Variants in UBR4 observed in about 807,000 individuals in gnomAD.
UBR4 encodes the protein ubiquitin protein ligase E3 component n-recognin 4, also known as E3 ubiquitin-protein ligase UBR4.
In UBR4, 124 loss-of-function variants were observed where a neutral mutation model predicts 575.6. The observed-to-expected ratio is 0.22, with a 90% CI of 0.19 to 0.25. The LOEUF (loss-of-function observed/expected upper bound fraction) is 0.25. Among genes scored for constraint, UBR4 ranks in the 10% least tolerant of loss-of-function variants. The pLI is 1.00. For synonymous variants in UBR4, 2,455 were observed against 2,473.7 expected, an observed-to-expected ratio of 0.99 and a Z score of 0.22; for missense variants, 4,818 against 6,478.8, an observed-to-expected ratio of 0.74 and a Z score of 8.80.
chr1:19,184,064 C>T lies in UBR4; in HGVS notation c.2050G>A (p.Ala684Thr). The T allele has an allele frequency of 6.2e-7, 1 of 1,614,120 alleles. No homozygotes were observed. ...TCCTTGATGATACTGGCTAGGGTGGCCATATGGTGTTCTGAAAGAGATACA... is the reference window on the plus strand; with the variant it reads ...TCCTTGATGATACTGGCTAGGGTGGTCATATGGTGTTCTGAAAGAGATACA... ...LSVSLSEHHMATLASIIKEVD... is the reference protein window; with the variant it reads ...LSVSLSEHHMTTLASIIKEVD... The change falls in exon 16 of 106, where the codon GCC (alanine) becomes ACC (threonine). Residue 684 changes from alanine to threonine, a missense_variant. This residue lies in a region of UBR4 where 1,172 missense variants were observed against 1,259.7 expected (regional missense o/e 0.93). Transcript: ENST00000375254.
In UBR4 at chr1:19,100,791, GT is replaced by G. The variant is rs2078543374; in HGVS notation, c.13024-219del. ...CAAGCATCTACCCTGAAACCCCAGGGTGGATTAGGAGATAAAGCCTAACAAA... is the reference window on the plus strand; with the variant it reads ...CAAGCATCTACCCTGAAACCCCAGGGGGATTAGGAGATAAAGCCTAACAAA... On this transcript the variant is annotated intron_variant, in intron 88 of 105. Transcript: ENST00000375254. This position sits in a 1 kb window ranked among gnomAD's most constrained non-coding sequence, Gnocchi z 4.2. Among the ~76,000 whole-genome samples the G allele has an allele frequency of 6.6e-6, 1 of 151,908 alleles. No homozygotes were observed. The highest frequency in any genetic ancestry group is 1.9e-4 in the East Asian group (1 of 5,160).
At position 19,110,773 on chromosome 1, in the gene UBR4, G is replaced by A. The variant is rs756519025; in HGVS notation, c.11861C>T (p.Ala3954Val). 2 of 1,614,220 alleles carry A rather than the reference G, an allele frequency of 1.2e-6. No homozygotes were observed. The highest frequency in any genetic ancestry group is 1.1e-5 in the South Asian group (1 of 91,084). ...GGGGTTGGCCCAGTGGCCCTTCAGG[G>A]CTGTGGAGACCTTGCCAATAATCAG... Reference protein sequence around the residue: ...NDLIIGKVSTALKGHWANPDL... With the variant: ...NDLIIGKVSTVLKGHWANPDL... The change falls in exon 79 of 106, where the codon GCC becomes GTC. Residue 3954 changes from alanine to valine, a missense_variant. Transcript: ENST00000375254. This position sits in a 1 kb window ranked among gnomAD's most constrained non-coding sequence, Gnocchi z 4.5.
At chr1:19,078,544 C>T (rs1344974346) in intron 103 of UBR4, 1 of 160,206 alleles carries the variant, frequency 6.2e-6, no homozygotes, top group East Asian at 1.8e-4. Context: ...CTAAACCAGT[C>T]AAACACGGTA....
At chr1:19,122,752 A>T in intron 66 of UBR4, 81 bp downstream of exon 66, 1 of 1,478,416 alleles carries the variant, frequency 6.8e-7, no homozygotes, top group Non-Finnish European at 9.4e-7. Flanking sequence ...GTCCTGCATT[A>T]TTACCTCCAG....
intron 77 of UBR4, 184 bp downstream of exon 77, chr1:19,113,515 G>A (rs1039583942): frequency 1.2e-6 from 1 of 822,530 alleles, no homozygotes; most frequent in Admixed American, 2.6e-5. Context: ...ATTCTGACCA[G>A]CGCCATAAAT....
intron 49 of UBR4, among the ~76,000 whole-genome samples, chr1:19,149,072 A>G (rs2150207737): frequency 6.6e-6 from 1 of 152,324 alleles, no homozygotes; most frequent in South Asian, 2.1e-4. Flanking sequence ...GCACAAAGGC[A>G]TTTCCTAGGA....
In UBR4 at chr1:19,105,587, A is replaced by G. The variant is rs1216374085; in HGVS notation, c.12503+146T>C. The G allele has an allele frequency of 6.4e-6, 4 of 629,138 alleles. No homozygotes were observed. The East Asian group carries it at 9.0e-5, about 14-fold the overall frequency. The allele number at this position is 629,138 out of a possible 1,614,324, so 39.0% of individuals were successfully genotyped here. A position where few individuals can be genotyped will look rare whatever the true frequency, so the allele number is the denominator to read the frequency against. On this transcript the variant is annotated intron_variant, in intron 84 of 105. Coordinates refer to ENST00000375254, the MANE Select transcript of UBR4 (RefSeq NM_020765.3). ...GACCACCACCACTACCATCACTAAA[A>G]GTCAGCTTTTTAACACTTTGTTGTT... is the stretch of plus-strand genomic sequence containing the variant.
intron 75 of UBR4, among the ~76,000 whole-genome samples, chr1:19,114,488 A>T (rs2080256945): frequency 6.6e-6 from 1 of 152,116 alleles, no homozygotes; most frequent in Admixed American, 6.6e-5. Context: ...ACAATCTAAT[A>T]CTGAGGGAGG....
intron 25 of UBR4, among the ~76,000 whole-genome samples, chr1:19,171,640 A>T (rs969854311): frequency 3.9e-5 from 6 of 152,172 alleles, no homozygotes; most frequent in African/African-American, 1.4e-4. Context: ...CGGGAGTTCA[A>T]GACCAGCCTG....
At chr1:19,092,295 G>C (rs2077598275) in intron 97 of UBR4, among the ~76,000 whole-genome samples, 1 of 152,002 alleles carries the variant, frequency 6.6e-6, no homozygotes, top group Admixed American at 6.6e-5. Flanking sequence ...CTTAACAACT[G>C]CATGTGAATT....
intron 11 of UBR4, among the ~76,000 whole-genome samples, chr1:19,188,457 G>A (rs558839532): frequency 6.6e-6 from 1 of 152,268 alleles, no homozygotes; most frequent in South Asian, 2.1e-4. Flanking sequence ...AACAGGCCGG[G>A]GCAGAAGGAT....
At chr1:19,204,958 G>C (rs570887778) in intron 1 of UBR4, among the ~76,000 whole-genome samples, 1 of 152,022 alleles carries the variant, frequency 6.6e-6, no homozygotes, top group African/African-American at 2.4e-5. Context: ...ATGGAACAAA[G>C]GACAAAAAGT....
chr1:19,100,640 T>G lies in UBR4; in HGVS notation c.13024-67A>C. The G allele has an allele frequency of 6.7e-7, 1 of 1,490,824 alleles. No individual in the cohort carries two copies. 92.3% of individuals were successfully genotyped at this position (1,490,824 alleles called of 1,614,324 possible). ...GGTGGAGATTTATACCATGCTACCT[T>G]GTTCCATGGACACTCGAGGAAAACA... On this transcript the variant is annotated intron_variant, in intron 88 of 105. Transcript: ENST00000375254. The surrounding 1 kb of genome is among the most constrained non-coding windows in gnomAD (Gnocchi z 4.2).
chr1:19,158,326 CT>C (rs2086733486), intron 39 of UBR4, among the ~76,000 whole-genome samples: 1 of 152,206 alleles, frequency 6.6e-6, no homozygotes, highest in Non-Finnish European at 1.5e-5. Context: ...AAATCAGCAA[CT>C]TTATGGGCCC....
chr1:19,133,111 C>A (rs79713050), intron 60 of UBR4, among the ~76,000 whole-genome samples: 3 of 152,008 alleles, frequency 2.0e-5, no homozygotes, highest in Non-Finnish European at 2.9e-5. Flanking sequence ...TATTTTATGA[C>A]GCCAGAATAA....
intron 1 of UBR4, among the ~76,000 whole-genome samples, chr1:19,209,302 C>T (rs772812040): frequency 2.0e-5 from 3 of 152,154 alleles, no homozygotes; most frequent in Non-Finnish European, 4.4e-5. Context: ...CTGCTCTGAG[C>T]ACAGTATGTC....
rs149998484 is a variant in UBR4 at position 19,168,182 on chromosome 1, G to A, written c.3744C>T (p.Arg1248=). The A allele has an allele frequency of 6.7e-5, 105 of 1,574,588 alleles. No homozygotes were observed. In the African/African-American group the frequency reaches 1.3e-3, roughly 19 times the overall value. Residue 1248 remains arginine, a splice_region_variant and synonymous_variant, in exon 28 of 106, where the codon CGC becomes CGT. Coordinates refer to ENST00000375254, the MANE Select transcript of UBR4 (RefSeq NM_020765.3). ...TNEFPNIGSW[R]NAFANDTIPS... ...GGATGGTGTCATTGGCAAAGGCATT[G>A]CGCTGAAAGGAAGCAAAGCAGATGT...
rs1293737952 is a variant in UBR4, at chr1:19,095,019, C to T, written c.13633G>A (p.Val4545Ile). The T allele has an allele frequency of 1.9e-6, 3 of 1,614,078 alleles. No homozygotes were observed. Among genetic ancestry groups the T allele is most frequent in the Non-Finnish European group, 1.7e-6 (2 of 1,180,026 alleles). Residue 4545 changes from valine (V) to isoleucine (I), a missense_variant, in exon 94 of 106, where the codon GTA becomes ATA. Around this residue, in one of 29 missense-constraint regions of UBR4, gnomAD observed 165 missense variants for 282.3 expected, o/e 0.58. Transcript: ENST00000375254. ...VMLGTLNLAL[V>I]AEQESKDSGG... Reference sequence around the variant, plus strand: ...CTGTCCTTGCTTTCTTGTTCAGCTACAAGGGCCTGTAGGAGAAGGAGACTC... The same window carrying T: ...CTGTCCTTGCTTTCTTGTTCAGCTATAAGGGCCTGTAGGAGAAGGAGACTC...
intron 34 of UBR4, 130 bp from the exon 35 acceptor site, chr1:19,162,741 G>T: frequency 2.6e-6 from 3 of 1,170,326 alleles, no homozygotes; most frequent in East Asian, 2.7e-5. Flanking sequence ...AAAACAGTGT[G>T]TTTTTATTTA....
Sources: allele counts gnomAD v4.1 joint callset (sites outside exome capture counted in the v4.1 genomes callset), GRCh38; gene constraint gnomAD v4.1.1; regional missense constraint gnomAD v4.1.1; non-coding constraint Gnocchi (gnomAD v3.1); transcripts MANE v1.5; gene names NCBI Gene and HGNC (gene_info 2026-07-23, HGNC 2026-07-21).